DLGAP4: variants seen among roughly 807,000 people sequenced by gnomAD.
The protein encoded by DLGAP4 is DLG associated protein 4, also known as disks large-associated protein 4.
DLGAP4 carries 18 observed loss-of-function variants against 86.9 expected under a neutral mutation model. The observed-to-expected ratio is 0.21, with a 90% CI of 0.14 to 0.31. The LOEUF (loss-of-function observed/expected upper bound fraction) is 0.31, where lower values mean the gene tolerates loss of function less well. DLGAP4 is among the 10% of genes least tolerant of loss of function. The pLI is 1.00. For synonymous variants in DLGAP4, 548 were observed against 574.3 expected, an observed-to-expected ratio of 0.95 and a Z score of 0.65; for missense variants, 1,085 against 1,362.6, an observed-to-expected ratio of 0.80 and a Z score of 3.21.
chr20:36,386,792 C>T (rs1173458313), intron 2 of DLGAP4, among the ~76,000 whole-genome samples: 1 of 152,192 alleles, frequency 6.6e-6, no homozygotes, highest in Non-Finnish European at 1.5e-5. Flanking sequence ...CACTGTGTTG[C>T]CAGGGCTGGT....
chr20:36,499,380 C>T (rs1569520404), intron 8 of DLGAP4: 12 of 1,524,842 alleles, frequency 7.9e-6, no homozygotes, highest in African/African-American at 4.1e-5. Context: ...CCCGCCCGCC[C>T]GCCTGCCCGC....
chr20:36,436,083 C>T, intron 3 of DLGAP4, 26 bp from the exon 4 acceptor site: 3 of 1,533,194 alleles, frequency 2.0e-6, no homozygotes, highest in Non-Finnish European at 1.7e-6. Flanking sequence ...GCGGTGGCCC[C>T]ACTGAGTCCT....
chr20:36,399,353 C>G (rs1291185522), intron 2 of DLGAP4, among the ~76,000 whole-genome samples: 2 of 152,228 alleles, frequency 1.3e-5, no homozygotes, highest in Non-Finnish European at 1.5e-5. Context: ...ACCCGAAGAG[C>G]CTTGGTTTCC....
intron 7 of DLGAP4, among the ~76,000 whole-genome samples, chr20:36,492,152 T>TG (rs892213169): frequency 5.3e-5 from 8 of 151,762 alleles, no homozygotes; most frequent in Non-Finnish European, 1.0e-4. Flanking sequence ...TTGGAAGAGG[T>TG]GGGGGTGAGG....
At chr20:36,343,236 G>A (rs1034273587) in intron 1 of DLGAP4, among the ~76,000 whole-genome samples, 5 of 152,210 alleles carry the variant, frequency 3.3e-5, no homozygotes, top group Admixed American at 2.6e-4. Context: ...GGAGACGGCT[G>A]CAGACATCGT....
rs2147327483 is a variant in DLGAP4 at position 36,308,979 on chromosome 20, C to CT, written c.-304+2468dup. Among the ~76,000 whole-genome samples the CT allele has an allele frequency of 6.6e-6, 1 of 151,268 alleles. No individual in the cohort carries two copies. The highest frequency in any genetic ancestry group is 2.1e-4 in the South Asian group (1 of 4,728). ...TCCCCCTCCCCCAACTAGCTACTTT[C>CT]TAGCCACCTCTTGCTCCCCACCCCC... On this transcript the variant is annotated intron_variant, in intron 1 of 12. Coordinates refer to ENST00000339266, the MANE Select transcript of DLGAP4 (RefSeq NM_001365621.2). The surrounding 1 kb of genome is among the most constrained non-coding windows in gnomAD (Gnocchi z 4.5).
At chr20:36,331,885 A>G (rs2065271855) in intron 1 of DLGAP4, among the ~76,000 whole-genome samples, 2 of 151,234 alleles carry the variant, frequency 1.3e-5, no homozygotes, top group African/African-American at 4.9e-5. Flanking sequence ...CAGTCTTTTG[A>G]GGATCTGGGA....
intron 1 of DLGAP4, among the ~76,000 whole-genome samples, chr20:36,357,368 C>T (rs935130987): frequency 3.9e-5 from 6 of 152,326 alleles, no homozygotes; most frequent in African/African-American, 7.2e-5. Context: ...GCCAAAGCCT[C>T]GCCTCCTTTT....
At chr20:36,467,744 A>C (rs896433388) in intron 7 of DLGAP4, among the ~76,000 whole-genome samples, 1 of 152,100 alleles carries the variant, frequency 6.6e-6, no homozygotes, top group African/African-American at 2.4e-5. Context: ...AGAAGGGAAA[A>C]TGTTGGGTGT....
chr20:36,430,757 C>T lies in DLGAP4; in HGVS notation c.-72-889C>T, dbSNP rs545355736. Among the ~76,000 whole-genome samples, 22 of 151,724 alleles carry T rather than the reference C, an allele frequency of 1.5e-4. No individual in the cohort carries two copies. The South Asian group carries it at 4.6e-3, about 32-fold the overall frequency. ...ATCACTTGAGGTCAGGAGTTCGAGA[C>T]CAGTCTGGCCAACATAGTGAAACCC... On this transcript the variant is annotated intron_variant, in intron 2 of 12. Transcript: ENST00000339266.
At chr20:36,388,167 T>G (rs968669070) in intron 2 of DLGAP4, among the ~76,000 whole-genome samples, 2 of 152,248 alleles carry the variant, frequency 1.3e-5, no homozygotes, top group Non-Finnish European at 2.9e-5. Flanking sequence ...GCTTGATATC[T>G]GGTAGGACAA....
At chr20:36,455,551 C>A (rs1289693101) in intron 7 of DLGAP4, among the ~76,000 whole-genome samples, 3 of 152,148 alleles carry the variant, frequency 2.0e-5, no homozygotes, top group Non-Finnish European at 4.4e-5. Flanking sequence ...GGCCTGGGAA[C>A]CACCCTTGCT....
chr20:36,424,308 T>C (rs2032913506), intron 2 of DLGAP4, among the ~76,000 whole-genome samples: 1 of 152,128 alleles, frequency 6.6e-6, no homozygotes, highest in Non-Finnish European at 1.5e-5. Context: ...GAGCCACACC[T>C]TGGTACCCAA....
intron 10 of DLGAP4, among the ~76,000 whole-genome samples, chr20:36,522,737 C>T (rs1027837599): frequency 2.0e-5 from 3 of 152,206 alleles, no homozygotes; most frequent in African/African-American, 4.8e-5. Flanking sequence ...AGACTGGTCT[C>T]GAATTCCTGA....
intron 1 of DLGAP4, among the ~76,000 whole-genome samples, chr20:36,361,522 T>C (rs1167780938): frequency 6.6e-6 from 1 of 152,160 alleles, no homozygotes; most frequent in Non-Finnish European, 1.5e-5. Flanking sequence ...AAAAGATCCT[T>C]CTGGCTGCTG....
At chr20:36,454,405 A>T (rs529839075) in intron 7 of DLGAP4, among the ~76,000 whole-genome samples, 5 of 152,156 alleles carry the variant, frequency 3.3e-5, no homozygotes, top group Non-Finnish European at 7.3e-5. Flanking sequence ...ATATAATTAA[A>T]TTATGTCTAT....
chr20:36,336,948 G>C (rs371990890), intron 1 of DLGAP4, among the ~76,000 whole-genome samples: 1 of 152,178 alleles, frequency 6.6e-6, no homozygotes, highest in African/African-American at 2.4e-5. Context: ...TCTGCTGTGC[G>C]CACACCTCTC....
At chr20:36,446,083 C>A (rs1481218805) in intron 6 of DLGAP4, among the ~76,000 whole-genome samples, 1 of 152,232 alleles carries the variant, frequency 6.6e-6, no homozygotes, top group Non-Finnish European at 1.5e-5. Context: ...TGCAACTACC[C>A]TCACTCCAGT....
chr20:36,513,372 C>A (rs888313052), intron 10 of DLGAP4, among the ~76,000 whole-genome samples: 61 of 150,040 alleles, frequency 4.1e-4, no homozygotes, highest in Admixed American at 7.3e-4. Context: ...CAAGGTGAAA[C>A]CCCGTCTCTA....
Sources: allele counts gnomAD v4.1 joint callset (sites outside exome capture counted in the v4.1 genomes callset), GRCh38; gene constraint gnomAD v4.1.1; non-coding constraint Gnocchi (gnomAD v3.1); transcripts MANE v1.5; gene names NCBI Gene and HGNC (gene_info 2026-07-23, HGNC 2026-07-21).